Variants in ZNF385D observed in about 807,000 individuals in gnomAD.
ZNF385D encodes the protein zinc finger protein 385D, also known as zinc finger protein 659.
Under a neutral mutation model 35.8 loss-of-function variants are expected in ZNF385D, and 15 were observed. That is an observed-to-expected ratio of 0.42 (90% CI 0.28 to 0.64). The LOEUF is 0.64. ZNF385D is among the 30% of genes least tolerant of loss of function. The pLI is 0.23. For missense variants in ZNF385D, 474 were observed against 494.6 expected (o/e 0.96, Z 0.39); for synonymous variants, 212 against 186.8 (o/e 1.13, Z -1.10).
intron 3 of ZNF385D, among the ~76,000 whole-genome samples, chr3:22,105,203 A>G (rs974360114): frequency 6.6e-6 from 1 of 152,082 alleles, no homozygotes; most frequent in Non-Finnish European, 1.5e-5. Flanking sequence ...TCAGAACCAT[A>G]AAATAGTATC....
At chr3:22,179,162 A>G (rs1016900058) in intron 2 of ZNF385D, among the ~76,000 whole-genome samples, 1 of 152,152 alleles carries the variant, frequency 6.6e-6, no homozygotes. Flanking sequence ...TGGAATCTAT[A>G]AATTACTTTG....
chr3:21,639,880 G>A (rs1220537261), intron 2 of ZNF385D, among the ~76,000 whole-genome samples: 1 of 151,820 alleles, frequency 6.6e-6, no homozygotes, highest in African/African-American at 2.4e-5. Context: ...CCATACTATT[G>A]TAGTCCAGAA....
At chr3:21,876,471 T>C (rs1472401723) in intron 3 of ZNF385D, among the ~76,000 whole-genome samples, 1 of 151,414 alleles carries the variant, frequency 6.6e-6, no homozygotes, top group Non-Finnish European at 1.5e-5. Context: ...TTATATATAA[T>C]ATATATATTC....
At chr3:22,007,065 A>T (rs758776768) in intron 3 of ZNF385D, among the ~76,000 whole-genome samples, 21 of 152,136 alleles carry the variant, frequency 1.4e-4, no homozygotes, top group Non-Finnish European at 7.4e-5. Flanking sequence ...TCACTTATTA[A>T]TATTTTTGAA....
At chr3:21,790,154 T>A (rs1159687046) in intron 3 of ZNF385D, among the ~76,000 whole-genome samples, 2 of 151,970 alleles carry the variant, frequency 1.3e-5, no homozygotes, top group Non-Finnish European at 2.9e-5. Flanking sequence ...CTGCTAACAA[T>A]GTTGGCCTCT....
At chr3:21,746,293 A>G (rs540455884) in intron 1 of ZNF385D, among the ~76,000 whole-genome samples, 1 of 152,366 alleles carries the variant, frequency 6.6e-6, no homozygotes, top group Non-Finnish European at 1.5e-5. Context: ...TATAATTACA[A>G]CAACTGTGGA....
chr3:22,179,187 T>A (rs1193121392), intron 2 of ZNF385D, among the ~76,000 whole-genome samples: 1 of 152,208 alleles, frequency 6.6e-6, no homozygotes, highest in Non-Finnish European at 1.5e-5. Context: ...GTATGGCCAT[T>A]TTCACGATAT....
chr3:22,009,651 C>A, intron 3 of ZNF385D, among the ~76,000 whole-genome samples: 1 of 149,368 alleles, frequency 6.7e-6, no homozygotes, highest in Non-Finnish European at 1.5e-5. Flanking sequence ...AAAAAAGATT[C>A]AATGAGAAAT....
intron 3 of ZNF385D, among the ~76,000 whole-genome samples, chr3:21,977,294 G>T (rs1703690148): frequency 6.6e-6 from 1 of 151,826 alleles, no homozygotes; most frequent in Admixed American, 6.6e-5. Context: ...TTGTGTTTGT[G>T]TGCTTTTGTA....
At chr3:21,628,517 T>A (rs1307813470) in intron 2 of ZNF385D, among the ~76,000 whole-genome samples, 1 of 148,764 alleles carries the variant, frequency 6.7e-6, no homozygotes, top group Non-Finnish European at 1.5e-5. Context: ...TTTAAAAAAA[T>A]CTATAAGGTA....
intron 3 of ZNF385D, among the ~76,000 whole-genome samples, chr3:21,788,322 T>C (rs2071787257): frequency 6.6e-6 from 1 of 152,076 alleles, no homozygotes; most frequent in South Asian, 2.1e-4. Flanking sequence ...CTACTAAAAA[T>C]ACAAAATTAG....
chr3:22,360,921 A>T (rs1196827259), intron 2 of ZNF385D, among the ~76,000 whole-genome samples: 2 of 152,044 alleles, frequency 1.3e-5, no homozygotes, highest in Non-Finnish European at 2.9e-5. Flanking sequence ...GAACCTTCTA[A>T]TATTATTTGA....
intron 3 of ZNF385D, among the ~76,000 whole-genome samples, chr3:21,759,743 T>C (rs2125582485): frequency 6.6e-6 from 1 of 152,226 alleles, no homozygotes; most frequent in East Asian, 1.9e-4. Context: ...GCAAACAAAA[T>C]GAAGGAAGTA....
chr3:21,890,356 T>A (rs1444238250), intron 3 of ZNF385D, among the ~76,000 whole-genome samples: 1 of 152,138 alleles, frequency 6.6e-6, no homozygotes, highest in Non-Finnish European at 1.5e-5. Flanking sequence ...CGGTGGCTCA[T>A]GCCTGTAATC....
At position 22,239,082 on chromosome 3, in the gene ZNF385D, A is replaced by G. The variant is rs1057333526; in HGVS notation, c.107-70047T>C. On this transcript the variant is annotated intron_variant, in intron 2 of 5. Transcript: ENST00000494108. ...TTTTAATTTTTTAAAGTGAACTAGA[A>G]TTCAATTCCAAAGCCTTAACTCACA... Among the ~76,000 whole-genome samples the G allele has an allele frequency of 9.3e-5, 14 of 151,098 alleles. 1 individual carries two copies. Among genetic ancestry groups the G allele is most frequent in the East Asian group, 7.8e-4 (4 of 5,128 alleles).
intron 3 of ZNF385D, among the ~76,000 whole-genome samples, chr3:21,796,037 A>G (rs1390440320): frequency 6.6e-6 from 1 of 152,256 alleles, no homozygotes; most frequent in Non-Finnish European, 1.5e-5. Context: ...AGCAGAGTCC[A>G]GAAAACTCTC....
At chr3:21,560,003 CCAT>C (rs765811982) in intron 3 of ZNF385D, among the ~76,000 whole-genome samples, 5 of 152,100 alleles carry the variant, frequency 3.3e-5, no homozygotes, top group Non-Finnish European at 5.9e-5. Context: ...TTTTTCAGCT[CCAT>C]CACGTCGTTT....
At chr3:21,488,464 G>C (rs1705185724) in intron 4 of ZNF385D, among the ~76,000 whole-genome samples, 1 of 151,982 alleles carries the variant, frequency 6.6e-6, no homozygotes, top group African/African-American at 2.4e-5. Context: ...ACTATCAGTT[G>C]AGGTGCCCAA....
intron 2 of ZNF385D, among the ~76,000 whole-genome samples, chr3:22,360,953 C>A (rs1231360727): frequency 6.6e-6 from 1 of 152,002 alleles, no homozygotes; most frequent in African/African-American, 2.4e-5. Context: ...CTCTAGAGAT[C>A]AATCACTATT....
Sources: gnomAD v4.1 joint callset for allele counts (sites outside exome capture counted in the v4.1 genomes callset) on GRCh38, gnomAD v4.1.1 for gene constraint, MANE v1.5 for transcripts, NCBI Gene and HGNC (gene_info 2026-07-23, HGNC 2026-07-21) for gene names.